Variants in HMCN1 observed in about 807,000 individuals in gnomAD.
The protein encoded by HMCN1 is hemicentin 1.
In HMCN1, 321 loss-of-function variants were observed where a neutral mutation model predicts 625.9. The observed-to-expected ratio is 0.51, with a 90% CI of 0.47 to 0.56. HMCN1 has a LOEUF of 0.56. Ranked by LOEUF, HMCN1 falls within the 20% of genes least tolerant of loss-of-function variation. HMCN1 has a pLI of 0.00. For missense variants in HMCN1, 6,588 were observed against 6,887.3 expected, an observed-to-expected ratio of 0.96 and a Z score of 1.54; for synonymous variants, 2,425 against 2,417.6, an observed-to-expected ratio of 1.00 and a Z score of -0.09.
rs953988049 is a variant in HMCN1, at chr1:185,999,317, A to G, written c.3875-728A>G. Among the ~76,000 whole-genome samples the G allele has an allele frequency of 3.3e-5, 5 of 152,024 alleles. 1 individual carries two copies. The highest frequency in any genetic ancestry group is 3.3e-4 in the Admixed American group (5 of 15,224). ...GGCAAAATGTTTGCTAAATAAATAC[A>G]TTGTTAGTATAGATTTAATGTTTAC... On this transcript the variant is annotated intron_variant, in intron 25 of 106. Transcript: ENST00000271588.
chr1:186,021,192 T>A (rs866853970), intron 35 of HMCN1, among the ~76,000 whole-genome samples: 2 of 152,090 alleles, frequency 1.3e-5, no homozygotes, highest in Non-Finnish European at 2.9e-5. Context: ...TGAGGAAAGA[T>A]TCTTTATGAA....
At chr1:185,863,617 A>G (rs1265179195) in intron 2 of HMCN1, among the ~76,000 whole-genome samples, 1 of 152,248 alleles carries the variant, frequency 6.6e-6, no homozygotes, top group Non-Finnish European at 1.5e-5. Context: ...TATAATGTAT[A>G]AAAGTGTAAA....
intron 4 of HMCN1, among the ~76,000 whole-genome samples, chr1:185,897,103 T>C (rs1339567405): frequency 6.6e-6 from 1 of 152,202 alleles, no homozygotes; most frequent in African/African-American, 2.4e-5. Context: ...TCTTTTTCTG[T>C]CTTGGTTTAA....
chr1:185,849,696 G>T (rs1662048107), intron 2 of HMCN1, among the ~76,000 whole-genome samples: 1 of 152,100 alleles, frequency 6.6e-6, no homozygotes, highest in South Asian at 2.1e-4. Context: ...ATTCAAGGGT[G>T]ATTCTATTTT....
chr1:185,975,941 T>C (rs1383379638), intron 15 of HMCN1, among the ~76,000 whole-genome samples: 7 of 152,094 alleles, frequency 4.6e-5, no homozygotes, highest in Non-Finnish European at 7.4e-5. Context: ...TGAAGTGTTG[T>C]CATACTGATT....
At chr1:185,838,623 G>C (rs1172203320) in intron 1 of HMCN1, among the ~76,000 whole-genome samples, 1 of 152,050 alleles carries the variant, frequency 6.6e-6, no homozygotes, top group East Asian at 1.9e-4. Context: ...TCATCCCATT[G>C]AACTTCACTT....
At chr1:185,965,947 C>T (rs1571630915) in intron 14 of HMCN1, 32 bp downstream of exon 14, 2 of 1,227,694 alleles carry the variant, frequency 1.6e-6, no homozygotes, top group African/African-American at 3.0e-5. Context: ...GTGTCTGGTT[C>T]ACTTAGTTTT....
intron 64 of HMCN1, 53 bp from the exon 65 acceptor site, chr1:186,093,081 A>C: frequency 6.2e-7 from 1 of 1,609,800 alleles, no homozygotes; most frequent in Non-Finnish European, 8.5e-7. Context: ...TCATGTACTT[A>C]GTGAAATAGA....
At position 186,069,667 on chromosome 1, in the gene HMCN1, C is replaced by G; in HGVS notation, c.7884C>G (p.Gly2628=). Residue 2628 remains glycine, a synonymous_variant, in exon 51 of 107, where the codon GGC becomes GGG. Coordinates refer to ENST00000271588, the MANE Select transcript of HMCN1 (RefSeq NM_031935.3). ...TGATGTCCCATGATTTTACAGGAGG[C>G]AGAACTCTGCAGATCCTCAATGCAC... The part of the protein sequence containing the change: ...SNRNIRILPG[G]RTLQILNAQE... 6.2e-7 allele frequency: 1 copy of G among 1,608,334 alleles called. No individual in the cohort carries two copies. Among genetic ancestry groups the G allele is most frequent in the African/African-American group, 1.3e-5 (1 of 74,934 alleles).
intron 35 of HMCN1, among the ~76,000 whole-genome samples, chr1:186,022,069 G>A (rs554137101): frequency 1.3e-5 from 2 of 152,088 alleles, no homozygotes; most frequent in South Asian, 4.1e-4. Context: ...GAAATACAAG[G>A]GAAAATATAT....
intron 11 of HMCN1, among the ~76,000 whole-genome samples, chr1:185,946,927 C>T (rs1178264966): frequency 1.3e-5 from 2 of 152,074 alleles, no homozygotes; most frequent in Non-Finnish European, 2.9e-5. Flanking sequence ...GCATATTTGC[C>T]ATTAAGAGTC....
intron 36 of HMCN1, among the ~76,000 whole-genome samples, chr1:186,033,211 C>T (rs1431128728): frequency 6.6e-6 from 1 of 152,054 alleles, no homozygotes; most frequent in Non-Finnish European, 1.5e-5. Flanking sequence ...AACCAAACAT[C>T]GCATGTTCTC....
In HMCN1 at chr1:186,024,431, G is replaced by A. The variant is rs142102004; in HGVS notation, c.5749+1278G>A. On this transcript the variant is annotated intron_variant, in intron 36 of 106. Transcript: ENST00000271588. ...TTCTTATTTCCCTATCCTGAGGCTC[G>A]TTCTCTTCTCCTTCTGCAAGCTATT... 6.6e-4 allele frequency among the ~76,000 whole-genome samples: 101 copies of A among 152,084 alleles called. No individual in the cohort carries two copies. In the East Asian group the frequency reaches 0.016, roughly 24 times the overall value.
chr1:186,155,792 A>G (rs891377995), intron 97 of HMCN1, among the ~76,000 whole-genome samples: 16 of 152,146 alleles, frequency 1.1e-4, no homozygotes, highest in Non-Finnish European at 1.9e-4. Flanking sequence ...TGTACTTGCA[A>G]TTTGTTTTTG....
chr1:185,777,047 T>A (rs545202083), intron 1 of HMCN1, among the ~76,000 whole-genome samples: 7 of 152,338 alleles, frequency 4.6e-5, no homozygotes, highest in South Asian at 4.1e-4. Flanking sequence ...AAAAGTGAAT[T>A]CGCTAGATCC....
chr1:185,965,647 T>TATGTGC (rs1397171066), intron 13 of HMCN1, among the ~76,000 whole-genome samples, 155 bp from the exon 14 acceptor site: 1 of 152,130 alleles, frequency 6.6e-6, no homozygotes, highest in Admixed American at 6.6e-5. Flanking sequence ...CACATACACC[T>TATGTGC]ATGTGCATGT....
chr1:185,977,741 T>A (rs1651319752), intron 15 of HMCN1, 46 bp from the exon 16 acceptor site: 1 of 1,127,112 alleles, frequency 8.9e-7, no homozygotes, highest in South Asian at 1.2e-5. Flanking sequence ...TTAATATGCC[T>A]GTATAATATA....
At chr1:186,107,172 G>A (rs772104820) in intron 70 of HMCN1, among the ~76,000 whole-genome samples, 10 of 151,940 alleles carry the variant, frequency 6.6e-5, no homozygotes, top group Non-Finnish European at 1.3e-4. Flanking sequence ...TGCAAGCTCC[G>A]CCTCCTGGGT....
chr1:186,130,035 C>T lies in HMCN1; in HGVS notation c.12974C>T (p.Thr4325Ile). ...IERVSKEDSG[T>I]YVCTAENSVG... Reference sequence around the variant, plus strand: ...AGAGTGTCAAAAGAGGATTCAGGTACTTATGTGTGCACCGCAGAGAACAGC... The same window carrying T: ...AGAGTGTCAAAAGAGGATTCAGGTATTTATGTGTGCACCGCAGAGAACAGC... Residue 4325 changes from threonine to isoleucine, a missense_variant, in exon 84 of 107, where the codon ACT (threonine) becomes ATT (isoleucine). Transcript: ENST00000271588. 6.2e-7 allele frequency: 1 copy of T among 1,613,308 alleles called. No homozygotes were observed. The highest frequency in any genetic ancestry group is 8.5e-7 in the Non-Finnish European group (1 of 1,179,482).
Sources: gnomAD v4.1 joint callset for allele counts (sites outside exome capture counted in the v4.1 genomes callset) on GRCh38, gnomAD v4.1.1 for gene constraint, MANE v1.5 for transcripts, NCBI Gene and HGNC (gene_info 2026-07-23, HGNC 2026-07-21) for gene names.